Variants in ZNF385D observed in about 807,000 individuals in gnomAD.
ZNF385D encodes zinc finger protein 659.
Under a neutral mutation model 35.8 loss-of-function variants are expected in ZNF385D, and 15 were observed. That is an observed-to-expected ratio of 0.42 (90% CI 0.28 to 0.64). The LOEUF is 0.64. Ranked by LOEUF, ZNF385D falls within the 30% of genes least tolerant of loss-of-function variation. The pLI is 0.23. For missense variants in ZNF385D, 474 were observed against 494.6 expected, an observed-to-expected ratio of 0.96 and a Z score of 0.39; for synonymous variants, 212 against 186.8, an observed-to-expected ratio of 1.13 and a Z score of -1.10.
chr3:22,016,091 G>GT (rs1265961594), intron 3 of ZNF385D, among the ~76,000 whole-genome samples: 7 of 152,096 alleles, frequency 4.6e-5, no homozygotes, highest in Non-Finnish European at 7.4e-5. Flanking sequence ...CTTGCTACTT[G>GT]TTAGAGTGCT....
intron 2 of ZNF385D, among the ~76,000 whole-genome samples, chr3:22,228,276 G>C (rs913483770): frequency 2.6e-5 from 4 of 152,160 alleles, no homozygotes; most frequent in Non-Finnish European, 5.9e-5. Flanking sequence ...GGAGGTGGCA[G>C]AGCCAAATAT....
chr3:22,111,600 C>T (rs1306924198), intron 3 of ZNF385D, among the ~76,000 whole-genome samples: 1 of 152,108 alleles, frequency 6.6e-6, no homozygotes, highest in Non-Finnish European at 1.5e-5. Flanking sequence ...TCAACCATTG[C>T]TGATTCCCTA....
chr3:21,509,089 G>A (rs111687144), intron 4 of ZNF385D, among the ~76,000 whole-genome samples: 5 of 151,360 alleles, frequency 3.3e-5, no homozygotes, highest in African/African-American at 1.2e-4. Flanking sequence ...ACTCAAGTTA[G>A]CAGCTCTACC....
At chr3:22,267,798 GTAAT>G (rs1258176357) in intron 2 of ZNF385D, among the ~76,000 whole-genome samples, 2 of 151,930 alleles carry the variant, frequency 1.3e-5, no homozygotes, top group African/African-American at 2.4e-5. Flanking sequence ...CAAGCTCTCA[GTAAT>G]TAAAGTATTA....
At chr3:21,427,823 A>G (rs1279208938) in intron 5 of ZNF385D, among the ~76,000 whole-genome samples, 1 of 152,170 alleles carries the variant, frequency 6.6e-6, no homozygotes, top group Non-Finnish European at 1.5e-5. Context: ...CATAGAAGCT[A>G]GAAAAGATAG....
At chr3:21,479,447 G>A (rs1464209781) in intron 4 of ZNF385D, among the ~76,000 whole-genome samples, 2 of 152,072 alleles carry the variant, frequency 1.3e-5, no homozygotes. Flanking sequence ...GCATCTGTAA[G>A]TATCTCTGGA....
At chr3:21,993,197 T>G (rs557022597) in intron 3 of ZNF385D, among the ~76,000 whole-genome samples, 1 of 152,332 alleles carries the variant, frequency 6.6e-6, no homozygotes, top group African/African-American at 2.4e-5. Flanking sequence ...GACATTCATA[T>G]CTGTCTCTGT....
intron 2 of ZNF385D, among the ~76,000 whole-genome samples, chr3:22,275,790 G>A (rs9310688): frequency 0.16 from 23,748 of 152,076 alleles, 3,552 homozygotes; most frequent in African/African-American, 0.4. Flanking sequence ...TTCTTTAAAG[G>A]TTCATGAGAA....
At chr3:21,633,641 T>G (rs1458241725) in intron 2 of ZNF385D, among the ~76,000 whole-genome samples, 1 of 152,110 alleles carries the variant, frequency 6.6e-6, no homozygotes, top group East Asian at 1.9e-4. Context: ...AAATATCAGA[T>G]AGTATTTTAA....
rs765259099 is a variant in ZNF385D at position 21,750,959 on chromosome 3, G to A, written c.-43C>T. On this transcript the variant is annotated 5_prime_UTR_variant, in exon 1 of 8. Transcript: ENST00000281523. ...TCCCACCGCGGTGTCTTCAGCATCA[G>A]CTCTCACCCAAGGCTGGCACGTAGA... is the stretch of plus-strand genomic sequence containing the variant. 1 of 1,613,930 alleles carries A rather than the reference G, an allele frequency of 6.2e-7. No individual in the cohort carries two copies. Among genetic ancestry groups the A allele is most frequent in the Admixed American group, 1.7e-5 (1 of 60,016 alleles).
At chr3:21,479,186 A>G (rs1704441734) in intron 4 of ZNF385D, among the ~76,000 whole-genome samples, 2 of 150,870 alleles carry the variant, frequency 1.3e-5, no homozygotes, top group Admixed American at 1.3e-4. Context: ...AGAGGAGTCT[A>G]GAGCTCTAAG....
chr3:22,131,637 C>A (rs975675962), intron 3 of ZNF385D, among the ~76,000 whole-genome samples: 1 of 152,038 alleles, frequency 6.6e-6, no homozygotes, highest in South Asian at 2.1e-4. Flanking sequence ...AAGGCCACTG[C>A]AAAGAGAACA....
chr3:21,675,989 G>A (rs2066711828), intron 1 of ZNF385D, among the ~76,000 whole-genome samples: 1 of 152,026 alleles, frequency 6.6e-6, no homozygotes. Flanking sequence ...TTCACTCAAC[G>A]TTCCGTTGTG....
intron 3 of ZNF385D, among the ~76,000 whole-genome samples, chr3:21,843,694 G>C (rs1695821595): frequency 6.6e-6 from 1 of 151,908 alleles, no homozygotes; most frequent in Admixed American, 6.6e-5. Flanking sequence ...AGATGATAAA[G>C]GGGAATAATC....
At chr3:21,643,962 C>A (rs1441455121) in intron 2 of ZNF385D, among the ~76,000 whole-genome samples, 1 of 152,082 alleles carries the variant, frequency 6.6e-6, no homozygotes, top group Non-Finnish European at 1.5e-5. Context: ...GAGTGCATCC[C>A]AGCTCTTGCC....
At chr3:21,777,980 C>T (rs2071353112) in intron 3 of ZNF385D, among the ~76,000 whole-genome samples, 1 of 151,788 alleles carries the variant, frequency 6.6e-6, no homozygotes, top group African/African-American at 2.4e-5. Context: ...ATCAAACAGA[C>T]CCCAGATGAT....
intron 3 of ZNF385D, among the ~76,000 whole-genome samples, chr3:22,003,033 C>CT (rs1297810833): frequency 6.6e-6 from 1 of 152,164 alleles, no homozygotes; most frequent in Non-Finnish European, 1.5e-5. Flanking sequence ...GATGCCCACT[C>CT]TTACCACTCT....
At chr3:21,800,781 G>A (rs181960370) in intron 3 of ZNF385D, among the ~76,000 whole-genome samples, 60 of 151,752 alleles carry the variant, frequency 4.0e-4, no homozygotes, top group Non-Finnish European at 7.4e-4. Context: ...GTTTTTTTGT[G>A]GATTCCTTAA....
chr3:21,567,001 C>A (rs2063171756), intron 2 of ZNF385D, among the ~76,000 whole-genome samples: 1 of 152,168 alleles, frequency 6.6e-6, no homozygotes. Context: ...TGCTCAGATT[C>A]ATCCATGTTG....
Sources: gnomAD v4.1 joint callset for allele counts (sites outside exome capture counted in the v4.1 genomes callset) on GRCh38, gnomAD v4.1.1 for gene constraint, MANE v1.5 for transcripts, NCBI Gene and HGNC (gene_info 2026-07-23, HGNC 2026-07-21) for gene names.